GLRA1: variants seen among roughly 807,000 people sequenced by gnomAD.
GLRA1 encodes the protein glycine receptor alpha 1, also known as glycine receptor subunit alpha-1.
In GLRA1, 37 loss-of-function variants were observed where a neutral mutation model predicts 48.3. The observed-to-expected ratio is 0.77, with a 90% CI of 0.59 to 1.01. GLRA1 has a LOEUF of 1.01. GLRA1 is among the 50% of genes least tolerant of loss of function. The probability of loss-of-function intolerance (pLI) is 0.00; values close to 1 mark genes in which losing one functional copy is unlikely to be tolerated. For synonymous variants in GLRA1, 196 were observed against 210.7 expected, an observed-to-expected ratio of 0.93 and a Z score of 0.60; for missense variants, 427 against 571.0, an observed-to-expected ratio of 0.75 and a Z score of 2.57.
intron 7 of GLRA1, among the ~76,000 whole-genome samples, chr5:151,833,691 G>A (rs1228746000): frequency 6.6e-6 from 1 of 150,760 alleles, no homozygotes; most frequent in East Asian, 2.0e-4. Context: ...TCGAACTCCT[G>A]ACCTCAGGCT....
chr5:151,861,680 A>G (rs549074014), intron 3 of GLRA1, among the ~76,000 whole-genome samples: 1 of 152,184 alleles, frequency 6.6e-6, no homozygotes, highest in African/African-American at 2.4e-5. Context: ...CCCATTCACA[A>G]TTGCTTCAAA....
intron 3 of GLRA1, among the ~76,000 whole-genome samples, chr5:151,869,584 A>T (rs1435619135): frequency 1.4e-5 from 2 of 141,428 alleles, no homozygotes; most frequent in Non-Finnish European, 2.9e-5. Context: ...ACTTGGTGGC[A>T]AGCACTGGTA....
chr5:151,851,332 A>G, intron 7 of GLRA1, 58 bp downstream of exon 7: 1 of 1,102,132 alleles, frequency 9.1e-7, no homozygotes, highest in Non-Finnish European at 1.4e-6. Context: ...CAGAGCAAGG[A>G]AGTAGGTGCT....
chr5:151,829,899 A>G (rs927518274), intron 7 of GLRA1, among the ~76,000 whole-genome samples: 5 of 152,252 alleles, frequency 3.3e-5, no homozygotes, highest in Non-Finnish European at 5.9e-5. Context: ...ATGTATCAGT[A>G]TTTCATTCCT....
chr5:151,887,864 A>C (rs897025613), intron 2 of GLRA1, among the ~76,000 whole-genome samples: 1 of 152,234 alleles, frequency 6.6e-6, no homozygotes, highest in Non-Finnish European at 1.5e-5. Flanking sequence ...AGGTGAGAGA[A>C]GTTCTGGAGA....
chr5:151,906,586 C>T (rs1250500233), intron 1 of GLRA1, among the ~76,000 whole-genome samples: 2 of 152,192 alleles, frequency 1.3e-5, no homozygotes, highest in African/African-American at 2.4e-5. Flanking sequence ...GGGATCGGTC[C>T]ATTGGGCTGT....
rs146444179 is a variant in GLRA1, at chr5:151,824,598, C to G, written c.1060-1635G>C. ...GCCTTTGTGCAAGTTGTTCTCCCTG[C>G]CTAGAACACACTCTGAACCCCATCT... is the stretch of plus-strand genomic sequence containing the variant. On this transcript the variant is annotated intron_variant, in intron 8 of 8. Coordinates refer to ENST00000274576, the MANE Select transcript of GLRA1 (RefSeq NM_000171.4). Among the ~76,000 whole-genome samples, 192 of 152,250 alleles carry G rather than the reference C, an allele frequency of 1.3e-3. 1 individual carries two copies. The highest frequency in any genetic ancestry group is 6.8e-3 in the Middle Eastern group (2 of 294).
chr5:151,898,856 A>G (rs546661834), intron 1 of GLRA1, among the ~76,000 whole-genome samples: 51 of 152,290 alleles, frequency 3.3e-4, no homozygotes, highest in African/African-American at 1.2e-3. Flanking sequence ...AGAGGATGAG[A>G]AGTCTCCAAG....
intron 2 of GLRA1, among the ~76,000 whole-genome samples, chr5:151,888,271 G>A (rs1753968184): frequency 6.6e-6 from 1 of 152,192 alleles, no homozygotes; most frequent in East Asian, 1.9e-4. Flanking sequence ...AGAAGTCTTG[G>A]CATATAGGAG....
intron 3 of GLRA1, among the ~76,000 whole-genome samples, chr5:151,879,805 A>T (rs1234864886): frequency 6.6e-6 from 1 of 152,160 alleles, no homozygotes; most frequent in Admixed American, 6.5e-5. Flanking sequence ...AAATATGAGG[A>T]CATGAGATTT....
chr5:151,861,301 C>T (rs1187548266), intron 3 of GLRA1, among the ~76,000 whole-genome samples: 1 of 152,230 alleles, frequency 6.6e-6, no homozygotes, highest in Non-Finnish European at 1.5e-5. Context: ...GGAATCGCCA[C>T]ACTGTCTTCC....
At chr5:151,877,720 A>G (rs1370992900) in intron 3 of GLRA1, among the ~76,000 whole-genome samples, 2 of 152,188 alleles carry the variant, frequency 1.3e-5, no homozygotes, top group Admixed American at 1.3e-4. Flanking sequence ...TAGTTTTAAA[A>G]AGAGGAGTTT....
intron 7 of GLRA1, among the ~76,000 whole-genome samples, chr5:151,829,720 T>C (rs779727169): frequency 6.6e-6 from 1 of 152,184 alleles, no homozygotes; most frequent in Non-Finnish European, 1.5e-5. Context: ...TTTAGAACAT[T>C]TTCATTACCT....
At chr5:151,916,465 T>A (rs1440186234) in intron 1 of GLRA1, among the ~76,000 whole-genome samples, 2 of 152,190 alleles carry the variant, frequency 1.3e-5, no homozygotes, top group East Asian at 3.8e-4. Context: ...ATCATAGTAG[T>A]TACTCTGGTG....
intron 1 of GLRA1, among the ~76,000 whole-genome samples, chr5:151,901,315 T>C (rs573137210): frequency 2.8e-4 from 42 of 152,324 alleles, no homozygotes; most frequent in African/African-American, 1.0e-3. Context: ...TTCAGTGTTA[T>C]TCTGCAGTCT....
chr5:151,886,440 A>G (rs1315216572), intron 3 of GLRA1, among the ~76,000 whole-genome samples: 1 of 152,122 alleles, frequency 6.6e-6, no homozygotes, highest in Non-Finnish European at 1.5e-5. Flanking sequence ...ATTTTCTTTT[A>G]CTCTAAAAAT....
chr5:151,855,825 C>T (rs913145667), intron 5 of GLRA1, among the ~76,000 whole-genome samples: 4 of 152,230 alleles, frequency 2.6e-5, no homozygotes, highest in Non-Finnish European at 4.4e-5. Flanking sequence ...AATCCCAGTC[C>T]TCCATAAAGT....
At chr5:151,904,344 G>T (rs1465282789) in intron 1 of GLRA1, among the ~76,000 whole-genome samples, 1 of 152,116 alleles carries the variant, frequency 6.6e-6, no homozygotes, top group Non-Finnish European at 1.5e-5. Context: ...TGCTTGTTGC[G>T]TGTCTCAGAG....
intron 1 of GLRA1, among the ~76,000 whole-genome samples, chr5:151,898,000 C>T (rs1754264380): frequency 6.6e-6 from 1 of 152,130 alleles, no homozygotes; most frequent in African/African-American, 2.4e-5. Flanking sequence ...TCAGATGTTA[C>T]TTCTAATGAC....
Sources: gnomAD v4.1 joint callset for allele counts (sites outside exome capture counted in the v4.1 genomes callset) on GRCh38, gnomAD v4.1.1 for gene constraint, MANE v1.5 for transcripts, NCBI Gene and HGNC (gene_info 2026-07-23, HGNC 2026-07-21) for gene names.